Variants in GOLGB1 observed in about 807,000 individuals in gnomAD.
The protein encoded by GOLGB1 is golgin B1, also known as golgin subfamily B member 1.
In GOLGB1, 174 loss-of-function variants were observed where a neutral mutation model predicts 336.9. The observed-to-expected ratio is 0.52, with a 90% confidence interval of 0.46 to 0.59. The LOEUF (loss-of-function observed/expected upper bound fraction) is 0.59. Ranked by LOEUF, GOLGB1 falls within the 20% of genes least tolerant of loss-of-function variation. The probability of loss-of-function intolerance (pLI) is 0.00; values close to 1 mark genes in which losing one functional copy is unlikely to be tolerated. For synonymous variants in GOLGB1, 1,208 were observed against 1,289.2 expected (o/e 0.94, Z 1.35); for missense variants, 3,331 against 3,645.3 (o/e 0.91, Z 2.22).
chr3:121,727,289 C>CATATATATATATATAT (rs1216701208), intron 4 of GOLGB1, among the ~76,000 whole-genome samples: 10 of 44,346 alleles, frequency 2.3e-4, no homozygotes, highest in African/African-American at 5.8e-4. Context: ...CATACACACA[C>CATATATATATATATAT]ACACATATAT....
intron 10 of GOLGB1, among the ~76,000 whole-genome samples, chr3:121,708,272 G>T (rs1450425917): frequency 6.6e-6 from 1 of 152,068 alleles, no homozygotes; most frequent in Non-Finnish European, 1.5e-5. Flanking sequence ...ATTAAAAGAG[G>T]ACATGAAAAA....
chr3:121,675,841 C>T (rs1940299730), intron 17 of GOLGB1, among the ~76,000 whole-genome samples: 2 of 152,158 alleles, frequency 1.3e-5, no homozygotes, highest in Non-Finnish European at 2.9e-5. Flanking sequence ...AAACACTGTC[C>T]TAGACAGACA....
chr3:121,669,329 GTT>G lies in GOLGB1; in HGVS notation c.9202_9203del (p.Asn3068HisfsTer15). On this transcript the variant is annotated frameshift_variant, in exon 18 of 22. Transcript: ENST00000614479. LOFTEE classifies it high-confidence loss of function. ...TATCGCAGAGCTGAATGGAAAGGGT[GTT>G]TTTCTCTTCCAGTAGCTGAGAGAAC... ...SNFSQLLEEKNTLSIQLCDTS... is the reference protein window; with the variant it reads ...SNFSQLLEEKXTLSIQLCDTS... The G allele has an allele frequency of 6.2e-7, 1 of 1,613,962 alleles. No individual in the cohort carries two copies. The highest frequency in any genetic ancestry group is 8.5e-7 in the Non-Finnish European group (1 of 1,179,868).
intron 1 of GOLGB1, among the ~76,000 whole-genome samples, chr3:121,733,785 A>G (rs77452441): frequency 0.017 from 2,532 of 152,314 alleles, 40 homozygotes; most frequent in Non-Finnish European, 0.029. Flanking sequence ...ACAAAGGTAC[A>G]AATGCAATTA....
chr3:121,690,700 C>G lies in GOLGB1; in HGVS notation c.8664G>C (p.Met2888Ile). 1 of 1,519,456 alleles carries G rather than the reference C, an allele frequency of 6.6e-7. No individual in the cohort carries two copies. The highest frequency in any genetic ancestry group is 8.8e-7 in the Non-Finnish European group (1 of 1,137,276). 94.1% of individuals were successfully genotyped at this position (1,519,456 alleles called of 1,614,324 possible). A position where few individuals can be genotyped will look rare whatever the true frequency, so the allele number is the denominator to read the frequency against. ...PAEVQSLKKA[M>I]SSLQNDRDRL... Reference sequence around the variant, plus strand: ...TGTCTCTGTCATTTTGGAGTGAAGACATAGCTTTTTTTAAACTCTGTACTT... The same window carrying G: ...TGTCTCTGTCATTTTGGAGTGAAGAGATAGCTTTTTTTAAACTCTGTACTT... The change falls in exon 14 of 22, where the codon ATG becomes ATC. Residue 2888 changes from methionine (M) to isoleucine (I), a missense_variant. Met to Ile is a conservative substitution (Grantham distance 10, BLOSUM62 1). Coordinates refer to ENST00000614479, the MANE Select transcript of GOLGB1 (RefSeq NM_001366282.2).
In GOLGB1 at chr3:121,685,694, G is replaced by C. The variant is rs1261633969; in HGVS notation, c.8695-3829C>G. On this transcript the variant is annotated intron_variant, in intron 14 of 21. Transcript: ENST00000614479. ...ACAAAGAGCCAAAAATGCAATATAA[G>C]CATGATATTTACATACACAGGAAAT... 2.6e-5 allele frequency among the ~76,000 whole-genome samples: 4 copies of C among 152,024 alleles called. No individual in the cohort carries two copies. In the East Asian group the frequency reaches 5.8e-4, roughly 22 times the overall value.
At position 121,748,427 on chromosome 3, in the gene GOLGB1, T is replaced by C. The variant is rs942007007; in HGVS notation, c.-3+1205A>G. On this transcript the variant is annotated intron_variant, in intron 1 of 21. Transcript: ENST00000614479. ...AAAGGTTTGGAAGCTGCTGAGGTAG[T>C]AAAAAATATTGATGCAGTGAAAAGA... Among the ~76,000 whole-genome samples the C allele has an allele frequency of 2.0e-5, 3 of 151,626 alleles. No individual in the cohort carries two copies. The East Asian group carries it at 5.8e-4, about 29-fold the overall frequency.
At chr3:121,699,920 T>C (rs373180018) in intron 11 of GOLGB1, 35 bp from the exon 12 acceptor site, 6 of 1,221,954 alleles carry the variant, frequency 4.9e-6, no homozygotes, top group African/African-American at 4.5e-5. Flanking sequence ...TTAGAAGATA[T>C]ATGTGGAGTG....
chr3:121,739,249 A>G (rs1325221572), intron 1 of GOLGB1, among the ~76,000 whole-genome samples: 2 of 152,256 alleles, frequency 1.3e-5, no homozygotes, highest in East Asian at 3.9e-4. Flanking sequence ...TGGGTGATAG[A>G]GTAAGACCCT....
chr3:121,694,477 G>A lies in GOLGB1; in HGVS notation c.6046C>T (p.Gln2016Ter). Reference protein sequence around the residue: ...PGNKSHAKELQELLKEKQQEV... With the variant: ...PGNKSHAKEL Reference sequence around the variant, plus strand: ...TGTTGTTTTTCTTTTAACAGTTCCTGAAGTTCCTTTGCATGGCTTTTATTT... The same window carrying A: ...TGTTGTTTTTCTTTTAACAGTTCCTAAAGTTCCTTTGCATGGCTTTTATTT... Residue 2016 changes from glutamine to a stop codon, truncating the protein, a stop_gained, in exon 13 of 22, where the codon CAG becomes TAG. Transcript: ENST00000614479. LOFTEE classifies it high-confidence loss of function. 6.2e-7 allele frequency: 1 copy of A among 1,611,772 alleles called. No individual in the cohort carries two copies.
At chr3:121,707,152 G>A (rs1039929055) in intron 10 of GOLGB1, among the ~76,000 whole-genome samples, 1 of 150,218 alleles carries the variant, frequency 6.7e-6, no homozygotes, top group African/African-American at 2.5e-5. Flanking sequence ...ACTTGAACCC[G>A]GGAGGCGGAG....
rs934761593 is a variant in GOLGB1 at position 121,695,398 on chromosome 3, G to T, written c.5125C>A (p.His1709Asn). 13 of 1,613,900 alleles carry T rather than the reference G, an allele frequency of 8.1e-6. No individual in the cohort carries two copies. Among genetic ancestry groups the T allele is most frequent in the Non-Finnish European group, 1.1e-5 (13 of 1,179,976 alleles). Residue 1709 changes from histidine (H) to asparagine (N), a missense_variant, in exon 13 of 22, where the codon CAC (histidine) becomes AAC (asparagine). His to Asn is a moderately conservative substitution (Grantham distance 68, BLOSUM62 1). Transcript: ENST00000614479. ...TCTTTAGCTGTATCTCCTGCAGGGT[G>T]CACCTCTGCCCTAAGCCGGTCATTC... is the stretch of plus-strand genomic sequence containing the variant. The part of the protein sequence containing the change: ...EENDRLRAEV[H>N]PAGDTAKECM...
At position 121,691,365 on chromosome 3, in the gene GOLGB1, A is replaced by G; in HGVS notation, c.7999T>C (p.Leu2667=). ...QKRIAELEEE[L]VCVQKEAAKK... is the part of the protein sequence containing the mutation. Reference sequence around the variant, plus strand: ...GCAGCTTCCTTTTGAACACAAACCAATTCTTCTTCCAGTTCTGCAATTCTC... The same window carrying G: ...GCAGCTTCCTTTTGAACACAAACCAGTTCTTCTTCCAGTTCTGCAATTCTC... The change falls in exon 14 of 22, where the codon TTG becomes CTG. Residue 2667 remains leucine, a synonymous_variant. Transcript: ENST00000614479. The G allele has an allele frequency of 6.2e-7, 1 of 1,613,122 alleles. No homozygotes were observed. The highest frequency in any genetic ancestry group is 1.1e-5 in the South Asian group (1 of 90,766).
chr3:121,690,790 C>A lies in GOLGB1; in HGVS notation c.8574G>T (p.Glu2858Asp). Reference sequence around the variant, plus strand: ...TCCCTTCCTCTGACTTTCGAAATTTCTCCAGCTCATTCCACAGGTGATCTC... The same window carrying A: ...TCCCTTCCTCTGACTTTCGAAATTTATCCAGCTCATTCCACAGGTGATCTC... ...NERDHLWNELEKFRKSEEGKQ... is the reference protein window; with the variant it reads ...NERDHLWNELDKFRKSEEGKQ... Residue 2858 changes from glutamate to aspartate, a missense_variant, in exon 14 of 22, where the codon GAG becomes GAT. Glu to Asp is a conservative substitution (Grantham distance 45). Coordinates refer to ENST00000614479, the MANE Select transcript of GOLGB1 (RefSeq NM_001366282.2). 6.2e-7 allele frequency: 1 copy of A among 1,600,422 alleles called. No individual in the cohort carries two copies. Among genetic ancestry groups the A allele is most frequent in the Non-Finnish European group, 8.5e-7 (1 of 1,174,292 alleles).
At chr3:121,747,304 T>TATATGTATATATGTGTATATAC (rs1947392594) in intron 1 of GOLGB1, among the ~76,000 whole-genome samples, 2 of 142,876 alleles carry the variant, frequency 1.4e-5, no homozygotes, top group African/African-American at 5.1e-5. Flanking sequence ...TGTGTATATA[T>TATATGTATATATGTGTATATAC]GTATATATGT....
At chr3:121,730,753 T>C (rs1273282783) in intron 2 of GOLGB1, 123 bp downstream of exon 2, 1 of 896,758 alleles carries the variant, frequency 1.1e-6, no homozygotes, top group African/African-American at 1.7e-5. Context: ...TTCAATATTT[T>C]TCTTAATCCT....
chr3:121,691,344 C>T lies in GOLGB1; in HGVS notation c.8020G>A (p.Ala2674Thr). Residue 2674 changes from alanine to threonine, a missense_variant, in exon 14 of 22, where the codon GCT (alanine) becomes ACT (threonine). Physicochemically the swap from Ala to Thr is moderately conservative, Grantham distance 58 (BLOSUM62 0). Transcript: ENST00000614479. ...TCAATTTCACCTACCTTCTTGGCAG[C>T]TTCCTTTTGAACACAAACCAATTCT... ...EEELVCVQKE[A>T]AKKVGEIEDK... 1 of 1,611,894 alleles carries T rather than the reference C, an allele frequency of 6.2e-7. No individual in the cohort carries two copies. Among genetic ancestry groups the T allele is most frequent in the Non-Finnish European group, 8.5e-7 (1 of 1,179,530 alleles).
At chr3:121,742,660 C>A (rs1946958027) in intron 1 of GOLGB1, among the ~76,000 whole-genome samples, 4 of 152,150 alleles carry the variant, frequency 2.6e-5, no homozygotes. Context: ...GCAAAAGAAA[C>A]TACCATCAGA....
chr3:121,688,328 G>T (rs1322976376), intron 14 of GOLGB1, among the ~76,000 whole-genome samples: 1 of 152,202 alleles, frequency 6.6e-6, no homozygotes, highest in East Asian at 1.9e-4. Flanking sequence ...TGCGATTGCA[G>T]GCGCGCGCCG....
Sources: gnomAD v4.1 joint callset for allele counts (sites outside exome capture counted in the v4.1 genomes callset) on GRCh38, gnomAD v4.1.1 for gene constraint, MANE v1.5 for transcripts, NCBI Gene and HGNC (gene_info 2026-07-23, HGNC 2026-07-21) for gene names.